The following PAK5 variants were observed in gnomAD, a reference collection of about 807,000 sequenced individuals.
PAK5 encodes the protein serine/threonine-protein kinase PAK 5.
In PAK5, 16 loss-of-function variants were observed where a neutral mutation model predicts 65.9. That is an observed-to-expected ratio of 0.24 (90% CI 0.16 to 0.37). The LOEUF (loss-of-function observed/expected upper bound fraction) is 0.37. Among genes scored for constraint, PAK5 ranks in the 10% least tolerant of loss-of-function variants. The pLI is 1.00. For synonymous variants in PAK5, 371 were observed against 354.9 expected, an observed-to-expected ratio of 1.05 and a Z score of -0.51; for missense variants, 785 against 903.9, an observed-to-expected ratio of 0.87 and a Z score of 1.69.
intron 4 of PAK5, among the ~76,000 whole-genome samples, chr20:9,573,899 TA>T (rs1333289435): frequency 6.6e-6 from 1 of 152,024 alleles, no homozygotes; most frequent in East Asian, 1.9e-4. Flanking sequence ...CAGAGCACAA[TA>T]AAACAAAGAC....
chr20:9,610,499 T>C (rs1468523513), intron 3 of PAK5, among the ~76,000 whole-genome samples: 2 of 152,228 alleles, frequency 1.3e-5, no homozygotes, highest in African/African-American at 2.4e-5. Flanking sequence ...GCATTATTAC[T>C]TAAGATCATA....
chr20:9,765,175 C>T (rs2048743229), intron 1 of PAK5, among the ~76,000 whole-genome samples: 2 of 151,976 alleles, frequency 1.3e-5, no homozygotes, highest in Admixed American at 1.3e-4. Flanking sequence ...AGTTTCTTGA[C>T]CTGTAGTGGA....
chr20:9,664,676 T>G (rs182220313), intron 2 of PAK5, among the ~76,000 whole-genome samples: 158 of 152,304 alleles, frequency 1.0e-3, no homozygotes, highest in Admixed American at 1.7e-3. Context: ...AGTTATCGTC[T>G]TGTGTCCTAA....
intron 6 of PAK5, among the ~76,000 whole-genome samples, chr20:9,559,688 G>A (rs747205525): frequency 1.4e-4 from 22 of 152,144 alleles, no homozygotes; most frequent in Non-Finnish European, 2.6e-4. Context: ...GCTTGAACCT[G>A]GGAGGCAGAG....
Position 9,768,242 on chromosome 20 carries a change from T to G in PAK5, c.-161-56807A>C, listed in dbSNP as rs145167068. Among the ~76,000 whole-genome samples the G allele has an allele frequency of 4.3e-3, 654 of 152,104 alleles. 6 individuals carry two copies. The highest frequency in any genetic ancestry group is 0.015 in the African/African-American group (616 of 41,468). The stretch of plus-strand genomic sequence containing the variant: ...TTTATTTTAGACACAGGGGTACACG[T>G]GCAGGGTTTAGAAAACCAAATCTCA... On this transcript the variant is annotated intron_variant, in intron 1 of 9. Coordinates refer to ENST00000353224, the MANE Select transcript of PAK5 (RefSeq NM_177990.4).
intron 3 of PAK5, among the ~76,000 whole-genome samples, chr20:9,617,158 T>C (rs896608189): frequency 2.0e-5 from 3 of 152,224 alleles, no homozygotes; most frequent in Admixed American, 6.5e-5. Context: ...GCAAATTCGA[T>C]TGCATTTATA....
intron 1 of PAK5, among the ~76,000 whole-genome samples, chr20:9,750,442 C>G (rs1180356653): frequency 1.3e-5 from 2 of 152,066 alleles, no homozygotes; most frequent in Non-Finnish European, 2.9e-5. Context: ...AATAAATCCT[C>G]TCAATATTTG....
intron 2 of PAK5, among the ~76,000 whole-genome samples, chr20:9,651,541 A>G (rs980794780): frequency 6.6e-6 from 1 of 152,226 alleles, no homozygotes; most frequent in Non-Finnish European, 1.5e-5. Flanking sequence ...GGTTAATGAC[A>G]TGGATGGTGG....
chr20:9,600,771 T>A (rs181758446), intron 3 of PAK5, among the ~76,000 whole-genome samples: 3 of 152,338 alleles, frequency 2.0e-5, no homozygotes, highest in African/African-American at 7.2e-5. Context: ...ACTGGAATAA[T>A]ACTTCTGTTC....
At chr20:9,812,173 G>A (rs1433044818) in intron 1 of PAK5, among the ~76,000 whole-genome samples, 1 of 151,776 alleles carries the variant, frequency 6.6e-6, no homozygotes, top group Non-Finnish European at 1.5e-5. Flanking sequence ...TAAAATAAAA[G>A]ACTATTATAA....
intron 1 of PAK5, among the ~76,000 whole-genome samples, chr20:9,772,072 C>T (rs2048839873): frequency 6.6e-6 from 1 of 152,136 alleles, no homozygotes; most frequent in East Asian, 1.9e-4. Context: ...TTATTACCCA[C>T]TTCTTGTACT....
chr20:9,622,588 A>G (rs1226254756), intron 3 of PAK5, among the ~76,000 whole-genome samples: 3 of 152,198 alleles, frequency 2.0e-5, no homozygotes, highest in Non-Finnish European at 2.9e-5. Context: ...GGAAGCAGGG[A>G]GCACAGCAGG....
intron 2 of PAK5, among the ~76,000 whole-genome samples, chr20:9,707,789 C>G (rs2048027150): frequency 6.6e-6 from 1 of 152,090 alleles, no homozygotes; most frequent in South Asian, 2.1e-4. Context: ...CAGTCAAGCA[C>G]CAGACATGGG....
chr20:9,795,011 C>T (rs984789135), intron 1 of PAK5, among the ~76,000 whole-genome samples: 5 of 152,076 alleles, frequency 3.3e-5, no homozygotes, highest in South Asian at 2.1e-4. Flanking sequence ...TTCCACCACC[C>T]GGAGAGTTTT....
At chr20:9,542,800 C>T in intron 8 of PAK5, 80 bp from the exon 9 acceptor site, 4 of 1,251,040 alleles carry the variant, frequency 3.2e-6, no homozygotes, top group Non-Finnish European at 4.6e-6. Flanking sequence ...ACCTCATACT[C>T]ATTCACAAGT....
intron 3 of PAK5, among the ~76,000 whole-genome samples, chr20:9,624,892 C>G (rs2046821686): frequency 6.6e-6 from 1 of 152,140 alleles, no homozygotes; most frequent in Non-Finnish European, 1.5e-5. Context: ...TCGCATCTCA[C>G]AGAAACAAAC....
chr20:9,735,119 C>T (rs1372491116), intron 1 of PAK5, among the ~76,000 whole-genome samples: 1 of 151,966 alleles, frequency 6.6e-6, no homozygotes, highest in Non-Finnish European at 1.5e-5. Flanking sequence ...TTAAAAAAAT[C>T]AAGGCCTAAG....
rs555777120 is a variant in PAK5, at chr20:9,598,442, T to A, written c.205-17512A>T. 8.5e-5 allele frequency among the ~76,000 whole-genome samples: 13 copies of A among 152,360 alleles called. No homozygotes were observed. In the South Asian group the frequency reaches 2.5e-3, roughly 29 times the overall value. ...CATATACATACATGTATCTTTATAA[T>A]AGAATGATTAATGTTCCTTTGGGTA... On this transcript the variant is annotated intron_variant, in intron 3 of 9. Coordinates refer to ENST00000353224, the MANE Select transcript of PAK5 (RefSeq NM_177990.4).
At chr20:9,617,957 T>TA (rs1158867048) in intron 3 of PAK5, among the ~76,000 whole-genome samples, 1 of 152,222 alleles carries the variant, frequency 6.6e-6, no homozygotes, top group Non-Finnish European at 1.5e-5. Context: ...AAGATACCTT[T>TA]AAGCCTCTAA....
Sources: allele counts gnomAD v4.1 joint callset (sites outside exome capture counted in the v4.1 genomes callset), GRCh38; gene constraint gnomAD v4.1.1; transcripts MANE v1.5; gene names NCBI Gene and HGNC (gene_info 2026-07-23, HGNC 2026-07-21).